Variants in DOP1B observed in about 807,000 individuals in gnomAD.
DOP1B encodes DOP1 leucine zipper like protein B, also known as protein DOP1B.
In DOP1B, 174 loss-of-function variants were observed where a neutral mutation model predicts 233.5. The observed-to-expected ratio is 0.75, with a 90% CI of 0.66 to 0.85. DOP1B has a LOEUF of 0.85. Among genes scored for constraint, DOP1B ranks in the 40% least tolerant of loss-of-function variants. DOP1B has a pLI of 0.00. For synonymous variants in DOP1B, 1,190 were observed against 1,185.6 expected, an observed-to-expected ratio of 1.00 and a Z score of -0.08; for missense variants, 2,652 against 2,846.6, an observed-to-expected ratio of 0.93 and a Z score of 1.56.
Position 36,228,492 on chromosome 21 carries a change from C to T in DOP1B, c.1665+615C>T, listed in dbSNP as rs182116893. ...AAAATAAATAAAAATAAGGGCTGGG[C>T]GCGGTGGCTCACGCCTGTAATCCCA... is the stretch of plus-strand genomic sequence containing the variant. On this transcript the variant is annotated intron_variant, in intron 13 of 36. Coordinates refer to ENST00000691173, the MANE Select transcript of DOP1B (RefSeq NM_001320714.2). Among the ~76,000 whole-genome samples, 326 of 151,558 alleles carry T rather than the reference C, an allele frequency of 2.2e-3. 3 individuals carry two copies. Among genetic ancestry groups the T allele is most frequent in the East Asian group, 3.3e-3 (17 of 5,128 alleles).
intron 18 of DOP1B, among the ~76,000 whole-genome samples, chr21:36,244,163 A>C (rs892794292): frequency 6.7e-6 from 1 of 150,222 alleles, no homozygotes; most frequent in Non-Finnish European, 1.5e-5. Flanking sequence ...CGCTGGGACT[A>C]TGGGCACGCA....
Position 36,293,626 on chromosome 21 carries a change from G to A in DOP1B, c.*55G>A. On this transcript the variant is annotated 3_prime_UTR_variant, in exon 37 of 37. Transcript: ENST00000691173. ...GTATTGGTACTTTACTGAAAACCAG[G>A]TTATATTCTAAAGAAGAAAGAAGGC... 2 of 1,564,654 alleles carry A rather than the reference G, an allele frequency of 1.3e-6. No homozygotes were observed. The highest frequency in any genetic ancestry group is 2.3e-5 in the South Asian group (2 of 86,892).
chr21:36,214,235 T>C, intron 8 of DOP1B, 45 bp downstream of exon 8: 3 of 1,513,336 alleles, frequency 2.0e-6, no homozygotes, highest in Non-Finnish European at 2.7e-6. Flanking sequence ...TTGGTGACGA[T>C]TCTCCAGTGG....
chr21:36,212,160 C>A, intron 7 of DOP1B, 63 bp downstream of exon 7: 1 of 1,481,510 alleles, frequency 6.7e-7, no homozygotes, highest in Admixed American at 2.5e-5. Context: ...GTGCTGACTT[C>A]TGGAATAAGA....
At chr21:36,169,317 G>T in intron 2 of DOP1B, 1 of 779,952 alleles carries the variant, frequency 1.3e-6, no homozygotes, top group Non-Finnish European at 2.3e-6. Flanking sequence ...AGGTAGCCCT[G>T]GTCAATCTTA....
At chr21:36,263,481 C>A in intron 24 of DOP1B, 65 bp from the exon 25 acceptor site, 1 of 1,401,272 alleles carries the variant, frequency 7.1e-7, no homozygotes, top group Non-Finnish European at 1.0e-6. Flanking sequence ...CTTAAATATG[C>A]TTATAAATAA....
intron 2 of DOP1B, among the ~76,000 whole-genome samples, chr21:36,174,120 A>G (rs965802793): frequency 1.6e-4 from 25 of 152,176 alleles, no homozygotes; most frequent in African/African-American, 6.0e-4. Flanking sequence ...TGGGAAGAAC[A>G]CGGGTTGGAG....
chr21:36,236,113 T>A (rs2066822773), intron 15 of DOP1B, among the ~76,000 whole-genome samples: 1 of 152,214 alleles, frequency 6.6e-6, no homozygotes, highest in South Asian at 2.1e-4. Flanking sequence ...CTTCATATAG[T>A]CTATGAAGTA....
intron 13 of DOP1B, among the ~76,000 whole-genome samples, chr21:36,228,499 G>T (rs892709208): frequency 1.3e-5 from 2 of 151,974 alleles, no homozygotes; most frequent in Non-Finnish European, 2.9e-5. Flanking sequence ...GGGCGCGGTG[G>T]CTCACGCCTG....
At chr21:36,247,401 A>G (rs1290294316) in intron 19 of DOP1B, 116 bp from the exon 20 acceptor site, 2 of 535,586 alleles carry the variant, frequency 3.7e-6, no homozygotes, top group Non-Finnish European at 6.4e-6. Context: ...CGAGAGCTCC[A>G]GTTTATTTGG....
At chr21:36,232,397 A>ACTC (rs1162669197) in intron 14 of DOP1B, among the ~76,000 whole-genome samples, 2 of 151,968 alleles carry the variant, frequency 1.3e-5, no homozygotes, top group Non-Finnish European at 2.9e-5. Context: ...GCAGAGCCAT[A>ACTC]CTCCTCCTCT....
In DOP1B at chr21:36,241,503, CTT is replaced by C. The variant is rs1165636640; in HGVS notation, c.3067+1570_3067+1571del. Among the ~76,000 whole-genome samples, 448 of 76,456 alleles carry C rather than the reference CTT, an allele frequency of 5.9e-3. 1 individual carries two copies. Among genetic ancestry groups the C allele is most frequent in the African/African-American group, 0.023 (407 of 17,772 alleles). The allele number at this position is 76,456 out of a possible 152,430, so 50.2% of individuals were successfully genotyped here. A position where few individuals can be genotyped will look rare whatever the true frequency, so the allele number is the denominator to read the frequency against. ...TTTCTTATCCTGTATTTATCTTAATCTTTTTTTTTTTTTTTTTTTTTTTGAGA... is the reference window on the plus strand; with the variant it reads ...TTTCTTATCCTGTATTTATCTTAATCTTTTTTTTTTTTTTTTTTTTTGAGA... On this transcript the variant is annotated intron_variant, in intron 18 of 36. Transcript: ENST00000691173.
At chr21:36,292,328 C>T (rs1377510103) in intron 36 of DOP1B, 95 bp downstream of exon 36, 31 of 974,756 alleles carry the variant, frequency 3.2e-5, no homozygotes, top group Non-Finnish European at 4.1e-5. Flanking sequence ...GCGGTCTTCG[C>T]TTACTGCAGC....
At chr21:36,280,375 C>T in intron 31 of DOP1B, 29 bp downstream of exon 31, 1 of 1,511,156 alleles carries the variant, frequency 6.6e-7, no homozygotes, top group Non-Finnish European at 9.1e-7. Context: ...TTGCATAACT[C>T]ACACTTGATA....
At chr21:36,233,258 A>C (rs1029574789) in intron 15 of DOP1B, among the ~76,000 whole-genome samples, 183 bp downstream of exon 15, 25 of 152,160 alleles carry the variant, frequency 1.6e-4, no homozygotes, top group African/African-American at 6.0e-4. Context: ...CCCTCCAGGA[A>C]AGCTACAGTG....
intron 20 of DOP1B, 94 bp from the exon 21 acceptor site, chr21:36,248,286 G>A: frequency 7.4e-7 from 1 of 1,357,326 alleles, no homozygotes; most frequent in Non-Finnish European, 1.0e-6. Context: ...GAGTCCAACA[G>A]CCCAGACCTA....
chr21:36,289,345 A>C (rs989489820), intron 35 of DOP1B, 139 bp downstream of exon 35: 5 of 871,576 alleles, frequency 5.7e-6, no homozygotes, highest in African/African-American at 5.2e-5. Context: ...CCAGCTCGGA[A>C]TACCAAGTTT....
intron 15 of DOP1B, among the ~76,000 whole-genome samples, chr21:36,237,001 T>C (rs2268298): frequency 0.19 from 28,794 of 151,978 alleles, 3,276 homozygotes; most frequent in East Asian, 0.54. Flanking sequence ...ACCAGGCTGG[T>C]CTTGAACTCC....
intron 35 of DOP1B, among the ~76,000 whole-genome samples, chr21:36,291,030 G>A (rs1211434257): frequency 1.1e-4 from 16 of 151,714 alleles, no homozygotes; most frequent in African/African-American, 2.2e-4. Context: ...TTGGGAGGCC[G>A]AGGCAGGCGG....
Sources: gnomAD v4.1 joint callset for allele counts (sites outside exome capture counted in the v4.1 genomes callset) on GRCh38, gnomAD v4.1.1 for gene constraint, MANE v1.5 for transcripts, NCBI Gene and HGNC (gene_info 2026-07-23, HGNC 2026-07-21) for gene names.